The following LINGO2 variants were observed in gnomAD, a reference collection of about 807,000 sequenced individuals.
LINGO2 encodes the protein leucine rich repeat and Ig domain containing 2, also known as leucine-rich repeat and immunoglobulin-like domain-containing nogo receptor-interacting protein 2.
Under a neutral mutation model 30.6 loss-of-function variants are expected in LINGO2, and 14 were observed. That is an observed-to-expected ratio of 0.46 (90% CI 0.30 to 0.72). The LOEUF (loss-of-function observed/expected upper bound fraction) is 0.72. Ranked by LOEUF, LINGO2 falls within the 30% of genes least tolerant of loss-of-function variation. The pLI is 0.07. For missense variants in LINGO2, 729 were observed against 751.7 expected, an observed-to-expected ratio of 0.97 and a Z score of 0.35; for synonymous variants, 317 against 288.5, an observed-to-expected ratio of 1.10 and a Z score of -1.00.
At chr9:28,690,240 G>A in the LINGO2 span, among the ~76,000 whole-genome samples, 3 of 151,912 alleles carry the variant, frequency 2.0e-5, no homozygotes, top group African/African-American at 7.2e-5. Flanking sequence ...ATAAAAGTTG[G>A]AAATGAAACA....
chr9:28,033,438 C>G (rs1167716333), intron 4 of LINGO2, among the ~76,000 whole-genome samples: 1 of 152,098 alleles, frequency 6.6e-6, no homozygotes, highest in Admixed American at 6.5e-5. Context: ...CTGTTCTGCC[C>G]TACTGAAACC....
At chr9:28,556,069 C>T (rs1822667220) in intron 1 of LINGO2, among the ~76,000 whole-genome samples, 1 of 151,968 alleles carries the variant, frequency 6.6e-6, no homozygotes, top group Non-Finnish European at 1.5e-5. Flanking sequence ...GGAAGCATTC[C>T]CTCTGAAAAT....
At chr9:28,559,761 T>C (rs1563824497) in intron 1 of LINGO2, among the ~76,000 whole-genome samples, 1 of 152,110 alleles carries the variant, frequency 6.6e-6, no homozygotes, top group East Asian at 1.9e-4. Flanking sequence ...GATTGTCCTT[T>C]TATGTTTGCC....
chr9:28,803,302 AGTGT>A, the LINGO2 span, among the ~76,000 whole-genome samples: 2 of 150,528 alleles, frequency 1.3e-5, no homozygotes, highest in African/African-American at 4.9e-5. Context: ...TATTTTTAGG[AGTGT>A]GTGTGTGTGA....
chr9:29,181,366 CTTAAG>C, the LINGO2 span, among the ~76,000 whole-genome samples: 1 of 152,116 alleles, frequency 6.6e-6, no homozygotes, highest in African/African-American at 2.4e-5. Context: ...TATTATAGTG[CTTAAG>C]TTGACTCCAT....
At chr9:28,425,329 G>GTA (rs3064825) in intron 2 of LINGO2, among the ~76,000 whole-genome samples, 56,483 of 139,248 alleles carry the variant, frequency 0.41, 11,049 homozygotes, top group East Asian at 0.53. Context: ...ATGTGTGTGT[G>GTA]TATATATATA....
intron 1 of LINGO2, among the ~76,000 whole-genome samples, chr9:28,648,468 T>G (rs774638705): frequency 6.6e-6 from 1 of 152,112 alleles, no homozygotes; most frequent in African/African-American, 2.4e-5. Flanking sequence ...GTGAATCCAG[T>G]GAACCTAATG....
intron 5 of LINGO2, among the ~76,000 whole-genome samples, chr9:27,965,244 T>C (rs1214989553): frequency 2.0e-5 from 3 of 152,188 alleles, no homozygotes; most frequent in Middle Eastern, 3.4e-3. Context: ...GGAACAAGTA[T>C]TTCTATCCAG....
chr9:28,702,860 T>G, the LINGO2 span, among the ~76,000 whole-genome samples: 2 of 152,016 alleles, frequency 1.3e-5, no homozygotes, highest in East Asian at 1.9e-4. Context: ...TTGCACTATT[T>G]CATCTCGGTT....
the LINGO2 span, among the ~76,000 whole-genome samples, chr9:28,679,215 A>AT: frequency 3.0e-3 from 461 of 152,202 alleles, 3 homozygotes; most frequent in African/African-American, 0.011. Context: ...CAGAAAAAAA[A>AT]TTCTAATATA....
At chr9:28,618,654 A>T (rs1587969189) in intron 1 of LINGO2, among the ~76,000 whole-genome samples, 1 of 152,090 alleles carries the variant, frequency 6.6e-6, no homozygotes, top group African/African-American at 2.4e-5. Flanking sequence ...CTTCTTACCC[A>T]TTATGATCTA....
intron 2 of LINGO2, among the ~76,000 whole-genome samples, chr9:28,400,004 T>G (rs1265977831): frequency 6.6e-6 from 1 of 152,152 alleles, no homozygotes; most frequent in Non-Finnish European, 1.5e-5. Flanking sequence ...CAAAAAGCAG[T>G]CAGTTTAATT....
the LINGO2 span, among the ~76,000 whole-genome samples, chr9:28,723,131 C>T: frequency 6.6e-6 from 1 of 152,102 alleles, no homozygotes; most frequent in Non-Finnish European, 1.5e-5. Flanking sequence ...GCTTTTCAAA[C>T]TTTAATGTGC....
At chr9:29,090,177 A>G in the LINGO2 span, among the ~76,000 whole-genome samples, 1 of 152,042 alleles carries the variant, frequency 6.6e-6, no homozygotes, top group African/African-American at 2.4e-5. Flanking sequence ...TTGCTAATAT[A>G]ACCCCTGCTT....
intron 2 of LINGO2, among the ~76,000 whole-genome samples, chr9:28,416,879 A>G (rs1213497332): frequency 6.6e-6 from 1 of 152,158 alleles, no homozygotes; most frequent in South Asian, 2.1e-4. Context: ...TTTTCCTTCC[A>G]TACCTACTTA....
chr9:28,585,272 C>A (rs2135675428), intron 1 of LINGO2, among the ~76,000 whole-genome samples: 1 of 152,056 alleles, frequency 6.6e-6, no homozygotes, highest in Middle Eastern at 3.4e-3. Context: ...AATCTGACAA[C>A]CCTAAGGAGC....
chr9:29,061,978 C>T, the LINGO2 span, among the ~76,000 whole-genome samples: 6 of 151,956 alleles, frequency 3.9e-5, no homozygotes, highest in South Asian at 1.2e-3. Flanking sequence ...AATTCAACAA[C>T]AAAAAACAAT....
intron 4 of LINGO2, among the ~76,000 whole-genome samples, chr9:28,277,837 C>CAAAAAAAAAAAAAAAAAAAAAAAAAAAA (rs765748438): frequency 9.3e-6 from 1 of 108,024 alleles, no homozygotes; most frequent in Non-Finnish European, 2.0e-5. Context: ...CAAAACAAAA[C>CAAAAAAAAAAAAAAAAAAAAAAAAAAAA]AAAAAAAAAA....
the LINGO2 span, among the ~76,000 whole-genome samples, chr9:28,776,029 G>A: frequency 1.3e-5 from 2 of 152,184 alleles, no homozygotes; most frequent in African/African-American, 2.4e-5. Flanking sequence ...CTCAGAGTGT[G>A]TGTTTGATGG....
Sources: gnomAD v4.1 joint callset for allele counts (sites outside exome capture counted in the v4.1 genomes callset) on GRCh38, gnomAD v4.1.1 for gene constraint, MANE v1.5 for transcripts, NCBI Gene and HGNC (gene_info 2026-07-23, HGNC 2026-07-21) for gene names.